TMC1: variants seen among roughly 807,000 people sequenced by gnomAD.
TMC1 encodes the protein transmembrane channel-like protein 1.
In TMC1, 84 loss-of-function variants were observed where a neutral mutation model predicts 105.8. That is an observed-to-expected ratio of 0.79 (90% CI 0.67 to 0.95). The LOEUF is 0.95. Among genes scored for constraint, TMC1 ranks in the 40% least tolerant of loss-of-function variants. TMC1 has a pLI of 0.00. For missense variants in TMC1, 817 were observed against 914.1 expected, an observed-to-expected ratio of 0.89 and a Z score of 1.37; for synonymous variants, 315 against 311.5, an observed-to-expected ratio of 1.01 and a Z score of -0.12.
At chr9:72,669,123 T>G (rs907227504) in intron 5 of TMC1, among the ~76,000 whole-genome samples, 1 of 152,068 alleles carries the variant, frequency 6.6e-6, no homozygotes, top group Admixed American at 6.6e-5. Context: ...CTGGCCAATA[T>G]GGTGAAACCC....
intron 1 of TMC1, among the ~76,000 whole-genome samples, chr9:72,546,937 C>A (rs1411385122): frequency 6.6e-6 from 1 of 152,132 alleles, no homozygotes; most frequent in Non-Finnish European, 1.5e-5. Context: ...GTGGGAAAGC[C>A]TTTTCATTGT....
intron 2 of TMC1, among the ~76,000 whole-genome samples, chr9:72,599,506 G>A (rs760743647): frequency 6.6e-6 from 1 of 152,174 alleles, no homozygotes; most frequent in Non-Finnish European, 1.5e-5. Context: ...AAAAGGCCTG[G>A]GGAGGAGGTA....
chr9:72,567,095 A>C (rs1824170949), intron 1 of TMC1, among the ~76,000 whole-genome samples: 2 of 152,200 alleles, frequency 1.3e-5, no homozygotes, highest in Admixed American at 1.3e-4. Flanking sequence ...TCCACCTCAC[A>C]GATGATGTCT....
At chr9:72,581,269 CTTTA>C (rs1055031987) in intron 2 of TMC1, among the ~76,000 whole-genome samples, 5 of 152,096 alleles carry the variant, frequency 3.3e-5, no homozygotes, top group Admixed American at 1.3e-4. Flanking sequence ...ATTTAGGGTT[CTTTA>C]TTTATTTTTC....
At position 72,821,023 on chromosome 9, in the gene TMC1, A is replaced by G. The variant is rs1828862211; in HGVS notation, c.1945A>G (p.Met649Val). Residue 649 changes from methionine to valine, a missense_variant, in exon 20 of 24, where the codon ATG becomes GTG. Met to Val is a conservative substitution (Grantham distance 21). Coordinates refer to ENST00000297784, the MANE Select transcript of TMC1 (RefSeq NM_138691.3). ...ACTGCTCATCCTCTTCCTGTCCACA[A>G]TGCCTGTCTTGTACATGATCGTGTC... ...MLLLILFLST[M>V]PVLYMIVSLP... 2 of 1,614,126 alleles carry G rather than the reference A, an allele frequency of 1.2e-6. No homozygotes were observed. Among genetic ancestry groups the G allele is most frequent in the Non-Finnish European group, 1.7e-6 (2 of 1,180,012 alleles).
chr9:72,750,859 T>C (rs766161260), intron 10 of TMC1, among the ~76,000 whole-genome samples: 16 of 152,216 alleles, frequency 1.1e-4, no homozygotes, highest in Non-Finnish European at 2.4e-4. Flanking sequence ...TGCACAGGCC[T>C]GAGTTTTATT....
intron 2 of TMC1, among the ~76,000 whole-genome samples, chr9:72,615,572 A>C (rs896811701): frequency 6.6e-6 from 1 of 152,188 alleles, no homozygotes; most frequent in African/African-American, 2.4e-5. Context: ...GATTACATTA[A>C]GTTATTTCCA....
intron 18 of TMC1, among the ~76,000 whole-genome samples, chr9:72,808,610 G>T (rs1828642490): frequency 6.6e-6 from 1 of 152,234 alleles, no homozygotes; most frequent in Non-Finnish European, 1.5e-5. Flanking sequence ...CAGGCAGCAT[G>T]TGTTGGCTGG....
At chr9:72,683,626 G>A (rs1297546477) in intron 5 of TMC1, among the ~76,000 whole-genome samples, 3 of 148,846 alleles carry the variant, frequency 2.0e-5, no homozygotes, top group East Asian at 4.0e-4. Flanking sequence ...TTGTTAAGGG[G>A]CTCATAATTT....
intron 5 of TMC1, among the ~76,000 whole-genome samples, chr9:72,669,438 A>T (rs925774184): frequency 2.6e-5 from 4 of 152,230 alleles, no homozygotes; most frequent in African/African-American, 9.6e-5. Flanking sequence ...TCAGCTTTTA[A>T]TTAATTTATT....
chr9:72,601,053 A>G (rs1824802235), intron 2 of TMC1, among the ~76,000 whole-genome samples: 1 of 152,174 alleles, frequency 6.6e-6, no homozygotes, highest in Admixed American at 6.5e-5. Flanking sequence ...GCTTGGGGCA[A>G]GCTGGGTGCA....
intron 5 of TMC1, among the ~76,000 whole-genome samples, chr9:72,682,826 A>G (rs948510611): frequency 6.6e-6 from 1 of 152,228 alleles, no homozygotes; most frequent in Non-Finnish European, 1.5e-5. Context: ...ATGGTTCTGC[A>G]GGCTGTACAG....
At chr9:72,785,395 C>T (rs2118167731) in intron 13 of TMC1, among the ~76,000 whole-genome samples, 1 of 152,296 alleles carries the variant, frequency 6.6e-6, no homozygotes, top group Middle Eastern at 3.4e-3. Flanking sequence ...TTCACAATTT[C>T]ATGGATAGAA....
At chr9:72,683,730 ATT>A (rs1346760975) in intron 5 of TMC1, among the ~76,000 whole-genome samples, 972 of 13,888 alleles carry the variant, frequency 0.07, 46 homozygotes, top group South Asian at 0.13. Context: ...TGAGTTACAC[ATT>A]TTATATATAT....
chr9:72,797,292 C>T (rs1172799751), intron 17 of TMC1, among the ~76,000 whole-genome samples: 1 of 152,018 alleles, frequency 6.6e-6, no homozygotes, highest in Non-Finnish European at 1.5e-5. Flanking sequence ...GCCATACTGC[C>T]CAAAGTAATT....
intron 2 of TMC1, among the ~76,000 whole-genome samples, chr9:72,590,668 AT>A (rs1373036773): frequency 2.0e-5 from 3 of 152,238 alleles, no homozygotes; most frequent in Admixed American, 1.3e-4. Flanking sequence ...AGTGAGGAAG[AT>A]GGACATGAAT....
intron 8 of TMC1, among the ~76,000 whole-genome samples, chr9:72,726,010 G>T (rs777892245): frequency 6.6e-6 from 1 of 152,046 alleles, no homozygotes; most frequent in Non-Finnish European, 1.5e-5. Flanking sequence ...ATCTCTTTTG[G>T]CAGTACCCAC....
At chr9:72,561,040 G>A (rs1048551101) in intron 1 of TMC1, among the ~76,000 whole-genome samples, 1 of 151,850 alleles carries the variant, frequency 6.6e-6, no homozygotes, top group Non-Finnish European at 1.5e-5. Flanking sequence ...AAGGCCGGGC[G>A]CGGTGGCCCA....
chr9:72,723,358 A>G (rs1215229781), intron 8 of TMC1, among the ~76,000 whole-genome samples: 1 of 152,144 alleles, frequency 6.6e-6, no homozygotes, highest in East Asian at 1.9e-4. Context: ...TTTTTATTCA[A>G]GAGAAATCAA....
Sources: allele counts gnomAD v4.1 joint callset (sites outside exome capture counted in the v4.1 genomes callset), GRCh38; gene constraint gnomAD v4.1.1; transcripts MANE v1.5; gene names NCBI Gene and HGNC (gene_info 2026-07-23, HGNC 2026-07-21).